The following ZFHX3 variants were observed in gnomAD, a reference collection of about 807,000 sequenced individuals.
ZFHX3 encodes the protein zinc finger homeobox protein 3.
Under a neutral mutation model 279.1 loss-of-function variants are expected in ZFHX3, and 42 were observed. The observed-to-expected ratio is 0.15, with a 90% CI of 0.12 to 0.19. ZFHX3 has a LOEUF of 0.19. ZFHX3 is among the 10% of genes least tolerant of loss of function. ZFHX3 has a pLI of 1.00. For synonymous variants in ZFHX3, 2,293 were observed against 1,957.8 expected (o/e 1.17, Z -4.52); for missense variants, 4,981 against 4,754.0 (o/e 1.05, Z -1.40).
intron 2 of ZFHX3, among the ~76,000 whole-genome samples, chr16:73,581,826 C>T (rs1005730262): frequency 5.3e-5 from 8 of 151,402 alleles, no homozygotes; most frequent in Non-Finnish European, 5.9e-5. Context: ...TGTGCCACCA[C>T]ACACACCTGG....
chr16:73,869,433 C>A (rs143921389), intron 1 of ZFHX3, among the ~76,000 whole-genome samples: 46 of 152,316 alleles, frequency 3.0e-4, no homozygotes, highest in African/African-American at 1.1e-3. Flanking sequence ...GAACTGTCTT[C>A]AAGCAAAAGT....
chr16:73,046,121 T>A (rs1965291520), intron 1 of ZFHX3, among the ~76,000 whole-genome samples: 2 of 152,140 alleles, frequency 1.3e-5, no homozygotes, highest in Admixed American at 1.3e-4. Flanking sequence ...CTACACACTC[T>A]CTGAAAGGGT....
chr16:72,879,538 G>C (rs1189516566), intron 4 of ZFHX3, among the ~76,000 whole-genome samples: 1 of 152,150 alleles, frequency 6.6e-6, no homozygotes, highest in Non-Finnish European at 1.5e-5. Flanking sequence ...TGATTCTCCT[G>C]CCTCAGCCTC....
chr16:72,882,067 C>T (rs1258642118), intron 4 of ZFHX3, among the ~76,000 whole-genome samples: 1 of 152,092 alleles, frequency 6.6e-6, no homozygotes, highest in African/African-American at 2.4e-5. Flanking sequence ...TACTCACACC[C>T]CTAAAAAGAG....
chr16:73,445,082 C>T lies in ZFHX3; in HGVS notation c.-1291+10921G>A, dbSNP rs996911797. The stretch of plus-strand genomic sequence containing the variant: ...CCCGGGAGGCGGAGGTTACAGTGAG[C>T]GGAGATTGCGCCATTGCACTTCAGC... On this transcript the variant is annotated intron_variant, in intron 3 of 17. Transcript: ENST00000641206. Among the ~76,000 whole-genome samples, 9 of 151,146 alleles carry T rather than the reference C, an allele frequency of 6.0e-5. No homozygotes were observed. The East Asian group carries it at 1.6e-3, about 26-fold the overall frequency.
At chr16:73,330,005 A>AGGGCT (rs2015769423) in intron 3 of ZFHX3, among the ~76,000 whole-genome samples, 1 of 152,168 alleles carries the variant, frequency 6.6e-6, no homozygotes, top group African/African-American at 2.4e-5. Context: ...TGTCATGATT[A>AGGGCT]GGGCTGGGCT....
At chr16:73,322,152 G>A (rs947079439) in intron 3 of ZFHX3, among the ~76,000 whole-genome samples, 1 of 152,156 alleles carries the variant, frequency 6.6e-6, no homozygotes, top group Non-Finnish European at 1.5e-5. Context: ...GGAAGGCTGG[G>A]CCCCTGACCT....
intron 1 of ZFHX3, among the ~76,000 whole-genome samples, chr16:72,983,286 A>G (rs988263655): frequency 2.0e-5 from 3 of 152,208 alleles, no homozygotes; most frequent in Non-Finnish European, 2.9e-5. Flanking sequence ...AACCTTTCCA[A>G]TTCATGGAAT....
chr16:73,866,778 TGAA>T (rs1962033761), intron 1 of ZFHX3, among the ~76,000 whole-genome samples: 1 of 152,086 alleles, frequency 6.6e-6, no homozygotes. Context: ...GAAGGACACG[TGAA>T]GGAGTAGGAA....
chr16:72,814,703 A>C (rs1482804790), intron 5 of ZFHX3, among the ~76,000 whole-genome samples: 1 of 152,194 alleles, frequency 6.6e-6, no homozygotes, highest in African/African-American at 2.4e-5. Context: ...GTGTTTTAAA[A>C]AATAAAATCA....
At chr16:73,626,587 A>C (rs1423076371) in intron 2 of ZFHX3, among the ~76,000 whole-genome samples, 1 of 152,208 alleles carries the variant, frequency 6.6e-6, no homozygotes, top group Non-Finnish European at 1.5e-5. Context: ...TCCACCTAGA[A>C]GACCTAGCCA....
intron 2 of ZFHX3, among the ~76,000 whole-genome samples, chr16:73,673,865 A>G (rs1444690244): frequency 2.6e-5 from 4 of 152,168 alleles, no homozygotes; most frequent in Admixed American, 6.5e-5. Context: ...ACGTATGCAC[A>G]TCAATACACC....
intron 2 of ZFHX3, among the ~76,000 whole-genome samples, chr16:73,542,033 C>T (rs1353786624): frequency 6.6e-6 from 1 of 151,940 alleles, no homozygotes; most frequent in Non-Finnish European, 1.5e-5. Context: ...ATCTCTTGAC[C>T]TCGTGATCTG....
chr16:72,796,429 G>T lies in ZFHX3; in HGVS notation c.6253C>A (p.Leu2085Ile). 2 of 1,611,250 alleles carry T rather than the reference G, an allele frequency of 1.2e-6. No homozygotes were observed. Among genetic ancestry groups the T allele is most frequent in the Non-Finnish European group, 8.5e-7 (1 of 1,180,000 alleles). Reference protein sequence around the residue: ...TIAPAQPSVPLTQLSMPMELP... With the variant: ...TIAPAQPSVPITQLSMPMELP... ...TCCATCGGCATGGAGAGCTGGGTGA[G>T]CGGCACTGATGGCTGGGCCGGTGCA... Residue 2085 changes from leucine (L) to isoleucine (I), a missense_variant, in exon 9 of 10, where the codon CTC becomes ATC. Coordinates refer to ENST00000268489, the MANE Select transcript of ZFHX3 (RefSeq NM_006885.4).
chr16:72,966,506 G>T (rs113381749), intron 1 of ZFHX3, among the ~76,000 whole-genome samples: 3 of 152,192 alleles, frequency 2.0e-5, no homozygotes, highest in African/African-American at 7.2e-5. Flanking sequence ...GGGGCCTTTG[G>T]CAACAGTACT....
At chr16:73,659,000 C>A (rs559188831) in intron 2 of ZFHX3, among the ~76,000 whole-genome samples, 1 of 151,468 alleles carries the variant, frequency 6.6e-6, no homozygotes, top group Admixed American at 6.6e-5. Flanking sequence ...CAAAGAGAAA[C>A]GGAAAAATTA....
Position 72,951,699 on chromosome 16 carries a change from T to C in ZFHX3, c.2720-734A>G. ...ATGAGTCACAGCTGCAATCGTAACA[T>C]ACCAAGCCTTCATGGGGAACCAGAA... On this transcript the variant is annotated intron_variant, in intron 2 of 9. Coordinates refer to ENST00000268489, the MANE Select transcript of ZFHX3 (RefSeq NM_006885.4). Among the ~76,000 whole-genome samples the C allele has an allele frequency of 1.3e-5, 2 of 152,212 alleles. 1 individual carries two copies. The highest frequency in any genetic ancestry group is 2.9e-5 in the Non-Finnish European group (2 of 68,032).
rs544393753 is a variant in ZFHX3 at position 72,845,122 on chromosome 16, T to C, written c.3449-15263A>G. Among the ~76,000 whole-genome samples, 10 of 152,192 alleles carry C rather than the reference T, an allele frequency of 6.6e-5. No individual in the cohort carries two copies. The East Asian group carries it at 1.6e-3, about 24-fold the overall frequency. On this transcript the variant is annotated intron_variant, in intron 4 of 9. Coordinates refer to ENST00000268489, the MANE Select transcript of ZFHX3 (RefSeq NM_006885.4). The stretch of plus-strand genomic sequence containing the variant: ...GGTGCGGACACCAGAGGCTTGCTTC[T>C]GGAAAAGCAGCTCCAAGCGGGGGAA...
At chr16:73,557,188 C>T (rs1403755665) in intron 2 of ZFHX3, among the ~76,000 whole-genome samples, 2 of 150,838 alleles carry the variant, frequency 1.3e-5, no homozygotes, top group South Asian at 2.1e-4. Context: ...ATGGTGTGGC[C>T]GGGCCTTTTG....
Sources: gnomAD v4.1 joint callset for allele counts (sites outside exome capture counted in the v4.1 genomes callset) on GRCh38, gnomAD v4.1.1 for gene constraint, MANE v1.5 for transcripts, NCBI Gene and HGNC (gene_info 2026-07-23, HGNC 2026-07-21) for gene names.